Variants in CFAP58 observed in about 807,000 individuals in gnomAD.
The protein encoded by CFAP58 is cilia and flagella associated protein 58.
Under a neutral mutation model 119.5 loss-of-function variants are expected in CFAP58, and 88 were observed. That is an observed-to-expected ratio of 0.74 (90% CI 0.62 to 0.88). The LOEUF (loss-of-function observed/expected upper bound fraction) is 0.88, where lower values mean the gene tolerates loss of function less well. CFAP58 is among the 40% of genes least tolerant of loss of function. The pLI, the probability that CFAP58 is intolerant of heterozygous loss-of-function variation, is 0.00. For missense variants in CFAP58, 990 were observed against 1,021.2 expected (o/e 0.97, Z 0.42); for synonymous variants, 365 against 366.3 (o/e 1.00, Z 0.04).
chr10:104,358,062 T>C (rs2014614253), intron 1 of CFAP58, among the ~76,000 whole-genome samples: 1 of 146,080 alleles, frequency 6.8e-6, no homozygotes, highest in Admixed American at 6.9e-5. Context: ...TATGTACATA[T>C]ATACACATAT....
chr10:104,435,549 C>A (rs2012919686), intron 15 of CFAP58, among the ~76,000 whole-genome samples: 1 of 152,188 alleles, frequency 6.6e-6, no homozygotes, highest in African/African-American at 2.4e-5. Flanking sequence ...TAGCCTCAAC[C>A]ACATTTGATG....
the CFAP58 span, among the ~76,000 whole-genome samples, chr10:104,343,622 G>A: frequency 1.9e-4 from 29 of 152,202 alleles, no homozygotes; most frequent in Admixed American, 6.5e-4. Flanking sequence ...CAATTGTTAT[G>A]TTTACTGAAT....
At chr10:104,430,678 G>A (rs1004770630) in intron 15 of CFAP58, among the ~76,000 whole-genome samples, 1 of 152,048 alleles carries the variant, frequency 6.6e-6, no homozygotes, top group Non-Finnish European at 1.5e-5. Context: ...TGTGAAACTG[G>A]ACACATTTTT....
At chr10:104,447,571 A>G (rs2013129478) in intron 15 of CFAP58, 127 bp from the exon 16 acceptor site, 2 of 1,068,194 alleles carry the variant, frequency 1.9e-6, no homozygotes, top group African/African-American at 3.2e-5. Flanking sequence ...CTGTGAGTGA[A>G]TGTGATCACT....
intron 4 of CFAP58, 63 bp downstream of exon 4, chr10:104,364,952 T>C: frequency 6.5e-7 from 1 of 1,527,636 alleles, no homozygotes; most frequent in Non-Finnish European, 8.9e-7. Flanking sequence ...CCCTCCACAG[T>C]CTCTATTCCC....
chr10:104,435,688 A>G (rs1009345703), intron 15 of CFAP58, among the ~76,000 whole-genome samples: 11 of 152,084 alleles, frequency 7.2e-5, no homozygotes, highest in Admixed American at 7.2e-4. Flanking sequence ...AATGTTAACC[A>G]TTCTCCAGAG....
chr10:104,443,717 T>C (rs1232053162), intron 15 of CFAP58, among the ~76,000 whole-genome samples: 2 of 152,162 alleles, frequency 1.3e-5, no homozygotes, highest in East Asian at 3.9e-4. Flanking sequence ...AGGAGTTCTG[T>C]GAGAAACTCA....
At chr10:104,398,773 C>T (rs1273441284) in intron 11 of CFAP58, among the ~76,000 whole-genome samples, 1 of 152,178 alleles carries the variant, frequency 6.6e-6, no homozygotes, top group Non-Finnish European at 1.5e-5. Context: ...TCTATCTTAT[C>T]CTCTCATCTG....
At chr10:104,432,413 A>G (rs540996958) in intron 15 of CFAP58, among the ~76,000 whole-genome samples, 1 of 152,376 alleles carries the variant, frequency 6.6e-6, no homozygotes, top group East Asian at 1.9e-4. Context: ...AGTGAAAATT[A>G]AAAGAATAAT....
rs1245810530 is a variant in CFAP58, at chr10:104,403,809, C to T, written c.2120C>T (p.Pro707Leu). 1.2e-6 allele frequency: 2 copies of T among 1,610,488 alleles called. No individual in the cohort carries two copies. The highest frequency in any genetic ancestry group is 2.2e-5 in the South Asian group (2 of 90,334). Reference sequence around the variant, plus strand: ...GCCCTGGAGGAGGAGCTGGAGAATCCCCTGAATGTGCACAGATGGAGGAAG... The same window carrying T: ...GCCCTGGAGGAGGAGCTGGAGAATCTCCTGAATGTGCACAGATGGAGGAAG... ...CRALEEELEN[P>L]LNVHRWRKLE... Residue 707 changes from proline (P) to leucine (L), a missense_variant, in exon 14 of 18, where the codon CCC (proline) becomes CTC (leucine). Physicochemically the swap from Pro to Leu is moderately conservative, Grantham distance 98 (BLOSUM62 -3). Transcript: ENST00000369704.
rs887045584 is a variant in CFAP58 at position 104,449,973 on chromosome 10, C to T, written c.2377-98C>T. On this transcript the variant is annotated intron_variant, in intron 16 of 17. Coordinates refer to ENST00000369704, the MANE Select transcript of CFAP58 (RefSeq NM_001008723.2). ...ATTGTGAAACTTGGGCATTGTTTTG[C>T]ACCTCTAGCTCCACTGCGGTAAATG... 9 of 1,205,028 alleles carry T rather than the reference C, an allele frequency of 7.5e-6. No individual in the cohort carries two copies. In the Admixed American group the frequency reaches 2.0e-4, roughly 26 times the overall value. 74.6% of individuals were successfully genotyped at this position (1,205,028 alleles called of 1,614,324 possible).
rs1473706079 is a variant in CFAP58 at position 104,386,525 on chromosome 10, G to C, written c.1366-5708G>C. Among the ~76,000 whole-genome samples, 8 of 152,128 alleles carry C rather than the reference G, an allele frequency of 5.3e-5. No homozygotes were observed. In the East Asian group the frequency reaches 5.8e-4, roughly 11 times the overall value. ...CCAAATAAAATTCCACCTTTCCCAAGAAGCTTTATTAAAAGTGATCTCTAA... is the reference window on the plus strand; with the variant it reads ...CCAAATAAAATTCCACCTTTCCCAACAAGCTTTATTAAAAGTGATCTCTAA... On this transcript the variant is annotated intron_variant, in intron 9 of 17. Transcript: ENST00000369704.
intron 9 of CFAP58, chr10:104,382,403 T>G (rs1353019798): frequency 1.4e-5 from 7 of 517,786 alleles, no homozygotes; most frequent in Non-Finnish European, 2.4e-5. Context: ...AAGCAATTTC[T>G]CTCCATTCCG....
chr10:104,412,513 C>T (rs550450460), intron 15 of CFAP58, among the ~76,000 whole-genome samples: 23 of 151,978 alleles, frequency 1.5e-4, no homozygotes, highest in Non-Finnish European at 2.6e-4. Flanking sequence ...CTTGCTGAAG[C>T]CCCAAGTGTT....
intron 15 of CFAP58, among the ~76,000 whole-genome samples, chr10:104,423,227 T>G (rs1263528292): frequency 6.6e-6 from 1 of 152,224 alleles, no homozygotes. Flanking sequence ...TTTATTCCCA[T>G]GCATTTGGAA....
intron 11 of CFAP58, among the ~76,000 whole-genome samples, chr10:104,398,753 A>G (rs575980231): frequency 1.3e-5 from 2 of 152,328 alleles, no homozygotes; most frequent in African/African-American, 4.8e-5. Flanking sequence ...TAATATTTGC[A>G]TAATATTTGT....
chr10:104,365,761 C>T, intron 4 of CFAP58, 53 bp from the exon 5 acceptor site: 1 of 1,505,614 alleles, frequency 6.6e-7, no homozygotes, highest in Non-Finnish European at 8.9e-7. Context: ...TGGCTGAGAC[C>T]TGCCATGGTC....
intron 15 of CFAP58, among the ~76,000 whole-genome samples, chr10:104,408,183 CT>C (rs1312152253): frequency 3.3e-5 from 5 of 152,202 alleles, no homozygotes; most frequent in African/African-American, 1.2e-4. Context: ...GGATTTTCCT[CT>C]TCTCTTGTAG....
intron 11 of CFAP58, among the ~76,000 whole-genome samples, chr10:104,395,659 A>T (rs997488579): frequency 6.6e-5 from 10 of 152,204 alleles, no homozygotes; most frequent in Admixed American, 6.5e-4. Flanking sequence ...AGAATGAATC[A>T]CATTTCACAC....
Sources: allele counts gnomAD v4.1 joint callset (sites outside exome capture counted in the v4.1 genomes callset), GRCh38; gene constraint gnomAD v4.1.1; transcripts MANE v1.5; gene names NCBI Gene and HGNC (gene_info 2026-07-23, HGNC 2026-07-21).